The following SNTA1 variants were observed in gnomAD, a reference collection of about 807,000 sequenced individuals.
SNTA1 encodes the protein alpha-1-syntrophin.
A neutral mutation model predicts 47.1 loss-of-function variants in SNTA1; 31 were observed. The ratio of observed to expected loss-of-function variants is 0.66; its 90% confidence interval spans 0.49 to 0.89. The LOEUF (loss-of-function observed/expected upper bound fraction) is 0.89. Among genes scored for constraint, SNTA1 ranks in the 40% least tolerant of loss-of-function variants. The pLI is 0.00. For missense variants in SNTA1, 575 were observed against 693.0 expected (o/e 0.83, Z 1.91); for synonymous variants, 300 against 313.6 (o/e 0.96, Z 0.46).
Position 33,412,396 on chromosome 20 carries a change from C to T in SNTA1, c.940G>A (p.Ala314Thr), listed in dbSNP as rs1989761849. 2 of 1,611,052 alleles carry T rather than the reference C, an allele frequency of 1.2e-6. No individual in the cohort carries two copies. Among genetic ancestry groups the T allele is most frequent in the Admixed American group, 1.7e-5 (1 of 59,482 alleles). The change falls in exon 5 of 8, where the codon GCC becomes ACC. Residue 314 changes from alanine to threonine, a missense_variant. Coordinates refer to ENST00000217381, the MANE Select transcript of SNTA1 (RefSeq NM_003098.3). ...LPSGGTAPTL[A>T]LLTEKELLLY... is the part of the protein sequence containing the mutation. ...AGCAGTTCCTTTTCAGTTAGCAGGG[C>T]CAGGGTGGGGGCTGTGCCCCCACTG...
At chr20:33,423,269 G>T (rs1990079348) in intron 2 of SNTA1, among the ~76,000 whole-genome samples, 1 of 152,156 alleles carries the variant, frequency 6.6e-6, no homozygotes, top group Admixed American at 6.6e-5. Context: ...CTGTCCCAGA[G>T]TGGGGGTGGG....
intron 2 of SNTA1, among the ~76,000 whole-genome samples, chr20:33,418,774 C>T (rs1382275809): frequency 2.1e-5 from 2 of 93,432 alleles, no homozygotes; most frequent in South Asian, 4.2e-4. Context: ...GCCTGGGTGA[C>T]ATAACAAGAC....
intron 1 of SNTA1, 106 bp downstream of exon 1, chr20:33,443,205 C>A (rs1325691300): frequency 4.6e-6 from 4 of 870,506 alleles, no homozygotes; most frequent in East Asian, 3.5e-5. Flanking sequence ...CCCTTACCCC[C>A]AGACAGGAAG....
At chr20:33,438,640 G>A (rs1990501225) in intron 2 of SNTA1, among the ~76,000 whole-genome samples, 1 of 152,150 alleles carries the variant, frequency 6.6e-6, no homozygotes, top group African/African-American at 2.4e-5. Context: ...TGCAAATCAG[G>A]TCTGCTTGGC....
At chr20:33,416,559 C>A (rs986904815) in intron 3 of SNTA1, among the ~76,000 whole-genome samples, 7 of 152,148 alleles carry the variant, frequency 4.6e-5, no homozygotes, top group Admixed American at 3.3e-4. Flanking sequence ...AATCCCAGCA[C>A]TTTGGGAGGC....
At chr20:33,409,107 G>A (rs1174192429) in intron 6 of SNTA1, among the ~76,000 whole-genome samples, 2 of 152,038 alleles carry the variant, frequency 1.3e-5, no homozygotes, top group Admixed American at 6.6e-5. Context: ...AGCAGCACAA[G>A]TAGAAAGGGG....
Position 33,443,318 on chromosome 20 carries a change from G to A in SNTA1, c.303C>T (p.Ser101=). The A allele has an allele frequency of 6.6e-7, 1 of 1,509,974 alleles. No homozygotes were observed. The highest frequency in any genetic ancestry group is 8.8e-7 in the Non-Finnish European group (1 of 1,136,936). 93.5% of individuals were successfully genotyped at this position (1,509,974 alleles called of 1,614,324 possible). A position where few individuals can be genotyped will look rare whatever the true frequency, so the allele number is the denominator to read the frequency against. ...TCGGTGTCCCGCGCCCACCTTTGATGCTGATGCCCAGCCCACCGGCGTCGG... is the reference window on the plus strand; with the variant it reads ...TCGGTGTCCCGCGCCCACCTTTGATACTGATGCCCAGCCCACCGGCGTCGG... The part of the protein sequence containing the change: ...RKADAGGLGI[S]IKGGRENKMP... The change falls in exon 1 of 8, where the codon AGC becomes AGT. Residue 101 remains serine, a synonymous_variant. Transcript: ENST00000217381.
rs545051613 is a variant in SNTA1 at position 33,435,729 on chromosome 20, T to C, written c.496+3112A>G. On this transcript the variant is annotated intron_variant, in intron 2 of 7. Transcript: ENST00000217381. The stretch of plus-strand genomic sequence containing the variant: ...ATATACACAGCAGGCACACAGTAGA[T>C]GTCCATGAATGTCTCTTGGCTTAGT... 3.9e-5 allele frequency among the ~76,000 whole-genome samples: 6 copies of C among 152,328 alleles called. No individual in the cohort carries two copies. The East Asian group carries it at 9.6e-4, about 24-fold the overall frequency.
rs938095799 is a variant in SNTA1 at position 33,407,966 on chromosome 20, G to A, written c.*541C>T. 10 of 198,090 alleles carry A rather than the reference G, an allele frequency of 5.0e-5. No homozygotes were observed. The highest frequency in any genetic ancestry group is 1.4e-4 in the African/African-American group (6 of 43,128). 12.3% of individuals were successfully genotyped at this position (198,090 alleles called of 1,614,324 possible). A position where few individuals can be genotyped will look rare whatever the true frequency, so the allele number is the denominator to read the frequency against. ...AGGCACAGACCACATACACTGGGCC[G>A]GGCTGCCTGTGTGCTCACAGGCTGT... On this transcript the variant is annotated 3_prime_UTR_variant, in exon 8 of 8. Transcript: ENST00000217381.
At chr20:33,411,193 C>T (rs771678327) in intron 5 of SNTA1, among the ~76,000 whole-genome samples, 6 of 152,082 alleles carry the variant, frequency 3.9e-5, no homozygotes, top group African/African-American at 4.8e-5. Context: ...TGCTGACACC[C>T]GCCTTCGACT....
chr20:33,424,770 T>C (rs568465845), intron 2 of SNTA1, among the ~76,000 whole-genome samples: 161 of 150,908 alleles, frequency 1.1e-3, no homozygotes, highest in African/African-American at 3.6e-3. Flanking sequence ...CATCTCAACC[T>C]CCAATGTGCT....
At chr20:33,433,987 G>A (rs1225809979) in intron 2 of SNTA1, among the ~76,000 whole-genome samples, 1 of 152,090 alleles carries the variant, frequency 6.6e-6, no homozygotes, top group Non-Finnish European at 1.5e-5. Context: ...ACATCCTCAG[G>A]GGATTCACTA....
chr20:33,410,263 G>A lies in SNTA1; in HGVS notation c.1109C>T (p.Thr370Met), dbSNP rs746227626. 21 of 1,612,652 alleles carry A rather than the reference G, an allele frequency of 1.3e-5. No homozygotes were observed. The highest frequency in any genetic ancestry group is 4.0e-5 in the African/African-American group (3 of 74,904). Residue 370 changes from threonine (T) to methionine (M), a missense_variant, in exon 6 of 8, where the codon ACG becomes ATG. Thr to Met is a moderately conservative substitution (Grantham distance 81). Transcript: ENST00000217381. ...AGTGTCCACACCGTGACGCGTGCCC[G>A]TGCGCAGGGCAAAAGAGAGCTCTGC... The part of the protein sequence containing the change: ...YDAELSFALR[T>M]GTRHGVDTHL...
At chr20:33,440,617 G>A (rs529343900) in intron 1 of SNTA1, among the ~76,000 whole-genome samples, 1 of 150,998 alleles carries the variant, frequency 6.6e-6, no homozygotes, top group African/African-American at 2.4e-5. Context: ...CTGCACTCCA[G>A]CATGGGCGAC....
At chr20:33,420,150 C>T (rs1490439195) in intron 2 of SNTA1, among the ~76,000 whole-genome samples, 1 of 152,126 alleles carries the variant, frequency 6.6e-6, no homozygotes, top group Non-Finnish European at 1.5e-5. Flanking sequence ...TCTTGAATTC[C>T]TGACCTCAGG....
intron 2 of SNTA1, among the ~76,000 whole-genome samples, chr20:33,436,528 A>C (rs1359278195): frequency 4.6e-5 from 7 of 152,294 alleles, no homozygotes; most frequent in African/African-American, 1.7e-4. Context: ...CTCTAGAGTC[A>C]GCTTTTTTTA....
chr20:33,442,618 C>A (rs1235142372), intron 1 of SNTA1, among the ~76,000 whole-genome samples: 5 of 152,130 alleles, frequency 3.3e-5, no homozygotes, highest in African/African-American at 1.2e-4. Flanking sequence ...CGGGACGGGA[C>A]TTTTGCAACC....
intron 2 of SNTA1, among the ~76,000 whole-genome samples, chr20:33,436,145 A>G (rs548675387): frequency 6.6e-5 from 10 of 152,180 alleles, no homozygotes; most frequent in Admixed American, 6.5e-4. Flanking sequence ...GTGAGCCGAG[A>G]TCCCGCCACT....
intron 2 of SNTA1, among the ~76,000 whole-genome samples, chr20:33,426,451 CA>C (rs768700017): frequency 0.017 from 1,292 of 78,252 alleles, 9 homozygotes; most frequent in Middle Eastern, 0.045. Flanking sequence ...ACTCCTTCTC[CA>C]AAAAAAAAAA....
Sources: allele counts gnomAD v4.1 joint callset (sites outside exome capture counted in the v4.1 genomes callset), GRCh38; gene constraint gnomAD v4.1.1; transcripts MANE v1.5; gene names NCBI Gene and HGNC (gene_info 2026-07-23, HGNC 2026-07-21).